Variants in ROBO1 observed in about 807,000 individuals in gnomAD.
The protein encoded by ROBO1 is roundabout guidance receptor 1.
In ROBO1, 149 loss-of-function variants were observed where a neutral mutation model predicts 195.9. The ratio of observed to expected loss-of-function variants is 0.76; its 90% CI spans 0.67 to 0.87. The LOEUF is 0.87. Ranked by LOEUF, ROBO1 falls within the 40% of genes least tolerant of loss-of-function variation. The pLI is 0.00. For synonymous variants in ROBO1, 816 were observed against 733.2 expected, an observed-to-expected ratio of 1.11 and a Z score of -1.82; for missense variants, 1,933 against 2,068.3, an observed-to-expected ratio of 0.93 and a Z score of 1.27.
chr3:79,497,395 T>A (rs1179427730), intron 2 of ROBO1, among the ~76,000 whole-genome samples: 1 of 152,186 alleles, frequency 6.6e-6, no homozygotes, highest in Admixed American at 6.5e-5. Context: ...AATTATTTGA[T>A]TTAAAAACTC....
chr3:78,847,894 A>G (rs1358234138), intron 4 of ROBO1, among the ~76,000 whole-genome samples: 1 of 152,222 alleles, frequency 6.6e-6, no homozygotes, highest in East Asian at 1.9e-4. Context: ...CTTCATATAC[A>G]TAAAATGGTT....
intron 4 of ROBO1, among the ~76,000 whole-genome samples, chr3:78,764,459 T>A (rs1186860643): frequency 6.6e-6 from 1 of 152,132 alleles, no homozygotes. Flanking sequence ...ATTTTGAGAT[T>A]GAATTGAGAC....
intron 2 of ROBO1, among the ~76,000 whole-genome samples, chr3:79,467,395 A>G: frequency 6.6e-6 from 1 of 151,498 alleles, no homozygotes; most frequent in Non-Finnish European, 1.5e-5. Context: ...GTGCCCAAAT[A>G]TTGTCCTTTG....
chr3:79,243,140 A>G (rs1182437774), intron 2 of ROBO1, among the ~76,000 whole-genome samples: 2 of 151,768 alleles, frequency 1.3e-5, no homozygotes, highest in Non-Finnish European at 2.9e-5. Flanking sequence ...AGCTTCATCC[A>G]TGTCCCTACA....
intron 2 of ROBO1, among the ~76,000 whole-genome samples, chr3:79,578,546 G>A (rs551050986): frequency 6.6e-6 from 1 of 152,232 alleles, no homozygotes; most frequent in Non-Finnish European, 1.5e-5. Context: ...TGAAAGTAAA[G>A]TATAATAAAG....
rs569689608 is a variant in ROBO1, at chr3:78,614,539, T to C, written c.4435+109A>G. On this transcript the variant is annotated intron_variant, in intron 28 of 30. Coordinates refer to ENST00000464233, the MANE Select transcript of ROBO1 (RefSeq NM_002941.4). ...TAAGTAATATGAAGCTGATTGTTAA[T>C]AAATTTTTAATGTAATTTCTAACGT... 5.6e-4 allele frequency: 694 copies of C among 1,230,774 alleles called. 8 individuals are homozygous for C. In the South Asian group the frequency reaches 0.012, roughly 21 times the overall value. 76.2% of individuals were successfully genotyped at this position (1,230,774 alleles called of 1,614,324 possible). A position where few individuals can be genotyped will look rare whatever the true frequency, so the allele number is the denominator to read the frequency against.
At chr3:78,841,448 C>T (rs17016554) in intron 4 of ROBO1, among the ~76,000 whole-genome samples, 43,992 of 151,972 alleles carry the variant, frequency 0.29, 6,614 homozygotes, top group East Asian at 0.54. Flanking sequence ...TACAAGGTCT[C>T]TGCAGTGTGT....
intron 3 of ROBO1, among the ~76,000 whole-genome samples, chr3:78,958,251 C>G (rs1312244210): frequency 6.6e-6 from 1 of 152,182 alleles, no homozygotes; most frequent in African/African-American, 2.4e-5. Context: ...GGTACGAAGA[C>G]TAGTAACTGG....
chr3:78,675,314 C>T (rs1016745720), intron 10 of ROBO1, among the ~76,000 whole-genome samples: 3 of 151,970 alleles, frequency 2.0e-5, no homozygotes, highest in Admixed American at 6.6e-5. Context: ...AGATAGAGGG[C>T]GCCGGTCAGT....
chr3:78,746,822 G>T lies in ROBO1; in HGVS notation c.578C>A (p.Pro193His). 1 of 1,604,018 alleles carries T rather than the reference G, an allele frequency of 6.2e-7. No individual in the cohort carries two copies. Among genetic ancestry groups the T allele is most frequent in the Non-Finnish European group, 8.5e-7 (1 of 1,172,758 alleles). Residue 193 changes from proline to histidine, a missense_variant, in exon 5 of 31, where the codon CCT (proline) becomes CAT (histidine). By Grantham distance (77) the Pro-to-His change is moderately conservative. Transcript: ENST00000464233. The part of the protein sequence containing the change: ...VGEPAVMECQ[P>H]PRGHPEPTIS... The stretch of plus-strand genomic sequence containing the variant: ...GGTGGGCTCAGGATGGCCTCGTGGA[G>T]GTTGGCATTCCATTACTGCAGGCTC...
intron 2 of ROBO1, among the ~76,000 whole-genome samples, chr3:79,580,306 T>C (rs967308482): frequency 7.2e-5 from 11 of 151,896 alleles, no homozygotes; most frequent in African/African-American, 2.7e-4. Context: ...ACCCTTTCTC[T>C]ACTAAAAACA....
At chr3:79,270,056 T>G (rs2030382644) in intron 2 of ROBO1, among the ~76,000 whole-genome samples, 1 of 151,778 alleles carries the variant, frequency 6.6e-6, no homozygotes, top group African/African-American at 2.4e-5. Flanking sequence ...ACAGATAACA[T>G]ATGGTAGCTC....
At position 78,639,915 on chromosome 3, in the gene ROBO1, T is replaced by C. The variant is rs755073357; in HGVS notation, c.2883-17A>G. ...AGTCCAGGCCTAAATAAAAAAAAAA[T>C]ATTAAAGCAAATGTTATATGAATAG... On this transcript the variant is annotated splice_polypyrimidine_tract_variant and intron_variant, in intron 21 of 30. Transcript: ENST00000464233. The C allele has an allele frequency of 6.7e-7, 1 of 1,494,708 alleles. No homozygotes were observed. The highest frequency in any genetic ancestry group is 9.0e-7 in the Non-Finnish European group (1 of 1,114,168). The allele number at this position is 1,494,708 out of a possible 1,614,324, so 92.6% of individuals were successfully genotyped here.
chr3:79,348,881 G>A (rs182945109), intron 2 of ROBO1, among the ~76,000 whole-genome samples: 3 of 152,052 alleles, frequency 2.0e-5, no homozygotes, highest in Admixed American at 1.3e-4. Context: ...TCCAAAATAG[G>A]CCTGATTATG....
At chr3:78,651,140 C>A (rs962077074) in intron 19 of ROBO1, among the ~76,000 whole-genome samples, 1 of 152,048 alleles carries the variant, frequency 6.6e-6, no homozygotes, top group South Asian at 2.1e-4. Context: ...TAAACACATT[C>A]GTAACAAAAT....
At chr3:79,315,621 T>C (rs2033696022) in intron 2 of ROBO1, among the ~76,000 whole-genome samples, 1 of 151,994 alleles carries the variant, frequency 6.6e-6, no homozygotes, top group African/African-American at 2.4e-5. Flanking sequence ...GAGAAACGAG[T>C]TTTGAGTTCT....
At chr3:79,583,252 A>T (rs959822406) in intron 2 of ROBO1, among the ~76,000 whole-genome samples, 1 of 152,004 alleles carries the variant, frequency 6.6e-6, no homozygotes, top group African/African-American at 2.4e-5. Flanking sequence ...GTTTGAATTA[A>T]CTACTCTGTT....
chr3:79,346,772 G>A (rs562063836), intron 2 of ROBO1, among the ~76,000 whole-genome samples: 12 of 151,866 alleles, frequency 7.9e-5, no homozygotes, highest in South Asian at 4.1e-4. Context: ...ATCAAAGGAC[G>A]TCATTTTTAA....
intron 2 of ROBO1, among the ~76,000 whole-genome samples, chr3:79,382,148 G>C (rs2036596125): frequency 6.6e-6 from 1 of 152,104 alleles, no homozygotes; most frequent in African/African-American, 2.4e-5. Context: ...GTAGCATTTT[G>C]AATGACACTA....
Sources: allele counts gnomAD v4.1 joint callset (sites outside exome capture counted in the v4.1 genomes callset), GRCh38; gene constraint gnomAD v4.1.1; transcripts MANE v1.5; gene names NCBI Gene and HGNC (gene_info 2026-07-23, HGNC 2026-07-21).